Variants in MACROD2 observed in about 807,000 individuals in gnomAD.
MACROD2 encodes the protein mono-ADP ribosylhydrolase 2, also known as ADP-ribose glycohydrolase MACROD2.
A neutral mutation model predicts 70.4 loss-of-function variants in MACROD2; 36 were observed. The observed-to-expected ratio is 0.51, with a 90% CI of 0.39 to 0.68. MACROD2 has a LOEUF of 0.68. MACROD2 is among the 30% of genes least tolerant of loss of function. The pLI is 0.00. For missense variants in MACROD2, 496 were observed against 538.4 expected (o/e 0.92, Z 0.78); for synonymous variants, 172 against 178.8 (o/e 0.96, Z 0.30).
chr20:15,035,359 A>C (rs1280549820), intron 5 of MACROD2, among the ~76,000 whole-genome samples: 1 of 152,172 alleles, frequency 6.6e-6, no homozygotes, highest in African/African-American at 2.4e-5. Flanking sequence ...AGCCTTGATC[A>C]CAACACTGCA....
intron 8 of MACROD2, among the ~76,000 whole-genome samples, chr20:15,755,183 A>C (rs1600846443): frequency 6.6e-6 from 1 of 152,204 alleles, no homozygotes; most frequent in South Asian, 2.1e-4. Flanking sequence ...CTAAGAAGTT[A>C]CCAGGAGACA....
chr20:15,162,199 T>A (rs2076353330), intron 5 of MACROD2, among the ~76,000 whole-genome samples: 1 of 152,036 alleles, frequency 6.6e-6, no homozygotes, highest in Non-Finnish European at 1.5e-5. Context: ...CAAGTTTTTG[T>A]TTTTGTTTTG....
At chr20:14,941,040 A>C (rs2423863) in intron 5 of MACROD2, among the ~76,000 whole-genome samples, 6,481 of 152,150 alleles carry the variant, frequency 0.043, 178 homozygotes, top group Non-Finnish European at 0.063. Context: ...CTTTGATAGG[A>C]GATTTTTATT....
At chr20:14,501,895 G>T (rs577381024) in intron 4 of MACROD2, among the ~76,000 whole-genome samples, 1 of 152,112 alleles carries the variant, frequency 6.6e-6, no homozygotes, top group East Asian at 1.9e-4. Flanking sequence ...TTTAAAGTTA[G>T]GAAGTACTCT....
At chr20:14,319,111 A>G (rs2082637240) in intron 3 of MACROD2, among the ~76,000 whole-genome samples, 1 of 152,168 alleles carries the variant, frequency 6.6e-6, no homozygotes, top group Admixed American at 6.6e-5. Context: ...TGAAGTCTGT[A>G]TTTTATATAT....
chr20:14,641,714 T>A (rs149262328), intron 4 of MACROD2, among the ~76,000 whole-genome samples: 1 of 152,288 alleles, frequency 6.6e-6, no homozygotes, highest in Non-Finnish European at 1.5e-5. Flanking sequence ...AAAAAAATCT[T>A]TTTTTCTGAG....
intron 13 of MACROD2, among the ~76,000 whole-genome samples, chr20:15,978,248 CA>C (rs2066338891): frequency 6.6e-6 from 1 of 152,106 alleles, no homozygotes; most frequent in Non-Finnish European, 1.5e-5. Flanking sequence ...CCCCCCTCCC[CA>C]AAAACAATGC....
At chr20:14,369,273 A>G (rs1030836349) in intron 3 of MACROD2, among the ~76,000 whole-genome samples, 1 of 140,882 alleles carries the variant, frequency 7.1e-6, no homozygotes, top group Non-Finnish European at 1.6e-5. Flanking sequence ...GGGATTTCCC[A>G]TACAGGTTAT....
At chr20:15,596,953 G>A (rs1377981125) in intron 8 of MACROD2, among the ~76,000 whole-genome samples, 1 of 152,154 alleles carries the variant, frequency 6.6e-6, no homozygotes, top group Non-Finnish European at 1.5e-5. Context: ...TTTGGCTCAG[G>A]CATAAGACAA....
At chr20:14,136,129 G>A (rs2054793443) in intron 3 of MACROD2, among the ~76,000 whole-genome samples, 1 of 152,118 alleles carries the variant, frequency 6.6e-6, no homozygotes, top group Admixed American at 6.5e-5. Context: ...AGTGAGCTTA[G>A]CAAGGTCTCA....
At position 14,506,979 on chromosome 20, in the gene MACROD2, T is replaced by A. The variant is rs191137710; in HGVS notation, c.301+13471T>A. Among the ~76,000 whole-genome samples, 94 of 152,212 alleles carry A rather than the reference T, an allele frequency of 6.2e-4. 1 individual carries two copies. The highest frequency in any genetic ancestry group is 3.4e-3 in the Middle Eastern group (1 of 294). On this transcript the variant is annotated intron_variant, in intron 4 of 17. Transcript: ENST00000684519. ...AAAGAAATTAATAATAATAATCGTG[T>A]TCCAGAGTTGCGATACTATATCATT...
intron 5 of MACROD2, among the ~76,000 whole-genome samples, chr20:15,144,781 C>T (rs1253622492): frequency 1.3e-5 from 2 of 152,140 alleles, no homozygotes; most frequent in Non-Finnish European, 2.9e-5. Flanking sequence ...CAAATGGACA[C>T]CCCTGGAATC....
At chr20:14,442,095 C>A (rs1056641314) in intron 3 of MACROD2, among the ~76,000 whole-genome samples, 2 of 151,994 alleles carry the variant, frequency 1.3e-5, no homozygotes, top group Admixed American at 6.6e-5. Context: ...CATGGCGAAA[C>A]CCCATCTCTA....
rs183268433 is a variant in MACROD2, at chr20:14,308,251, G to A, written c.272-185228G>A. 8.1e-4 allele frequency among the ~76,000 whole-genome samples: 124 copies of A among 152,240 alleles called. 2 individuals are homozygous for A. Among genetic ancestry groups the A allele is most frequent in the South Asian group, 2.5e-3 (12 of 4,826 alleles). On this transcript the variant is annotated intron_variant, in intron 3 of 17. Coordinates refer to ENST00000684519, the MANE Select transcript of MACROD2 (RefSeq NM_001351661.2). Reference sequence around the variant, plus strand: ...CCCAAGCAAACAGCTCTCAGTTTGAGAACCTCAGAAAGATCTGTCATTAGG... The same window carrying A: ...CCCAAGCAAACAGCTCTCAGTTTGAAAACCTCAGAAAGATCTGTCATTAGG...
intron 8 of MACROD2, among the ~76,000 whole-genome samples, chr20:15,713,991 A>ACACT (rs372048702): frequency 8.5e-6 from 1 of 117,026 alleles, no homozygotes; most frequent in Admixed American, 8.0e-5. Context: ...ACATATGCAC[A>ACACT]CACACACACA....
At chr20:15,444,382 A>G (rs2046534789) in intron 7 of MACROD2, among the ~76,000 whole-genome samples, 1 of 152,170 alleles carries the variant, frequency 6.6e-6, no homozygotes, top group Non-Finnish European at 1.5e-5. Context: ...TTACATCGCT[A>G]AATATACGCA....
At chr20:14,209,560 G>T (rs2081554259) in intron 3 of MACROD2, among the ~76,000 whole-genome samples, 1 of 152,050 alleles carries the variant, frequency 6.6e-6, no homozygotes, top group East Asian at 1.9e-4. Flanking sequence ...ATATAAAATG[G>T]CTTAAAACCA....
At chr20:15,294,931 G>A (rs563049998) in intron 6 of MACROD2, among the ~76,000 whole-genome samples, 1 of 152,212 alleles carries the variant, frequency 6.6e-6, no homozygotes, top group Non-Finnish European at 1.5e-5. Flanking sequence ...TCTAGACATC[G>A]GATTGCTTAT....
chr20:14,602,211 C>T lies in MACROD2; in HGVS notation c.302-82632C>T, dbSNP rs1476013254. 2.0e-5 allele frequency among the ~76,000 whole-genome samples: 3 copies of T among 152,188 alleles called. No homozygotes were observed. The East Asian group carries it at 5.8e-4, about 29-fold the overall frequency. Reference sequence around the variant, plus strand: ...AGGTCTGCCCCTCACAATGAAGTACCAGCACATGAACCGAAGAGGCCAGGC... The same window carrying T: ...AGGTCTGCCCCTCACAATGAAGTACTAGCACATGAACCGAAGAGGCCAGGC... On this transcript the variant is annotated intron_variant, in intron 4 of 17. Transcript: ENST00000684519.
Sources: gnomAD v4.1 joint callset for allele counts (sites outside exome capture counted in the v4.1 genomes callset) on GRCh38, gnomAD v4.1.1 for gene constraint, MANE v1.5 for transcripts, NCBI Gene and HGNC (gene_info 2026-07-23, HGNC 2026-07-21) for gene names.